CPXM2: variants seen among roughly 807,000 people sequenced by gnomAD.
CPXM2 encodes carboxypeptidase X, M14 family member 2, also known as inactive carboxypeptidase-like protein X2.
Under a neutral mutation model 86.1 loss-of-function variants are expected in CPXM2, and 66 were observed. That is an observed-to-expected ratio of 0.77 (90% CI 0.63 to 0.94). CPXM2 has a LOEUF of 0.94. Among genes scored for constraint, CPXM2 ranks in the 40% least tolerant of loss-of-function variants. CPXM2 has a pLI of 0.00. For synonymous variants in CPXM2, 388 were observed against 400.2 expected, an observed-to-expected ratio of 0.97 and a Z score of 0.36; for missense variants, 948 against 1,026.3, an observed-to-expected ratio of 0.92 and a Z score of 1.04.
At chr10:123,792,583 GA>G (rs1367145915) in intron 6 of CPXM2, among the ~76,000 whole-genome samples, 1 of 152,154 alleles carries the variant, frequency 6.6e-6, no homozygotes, top group Non-Finnish European at 1.5e-5. Flanking sequence ...AGACAGATAG[GA>G]AAGATCTCCC....
chr10:123,781,932 G>A (rs1846944159), intron 6 of CPXM2, among the ~76,000 whole-genome samples: 1 of 152,182 alleles, frequency 6.6e-6, no homozygotes, highest in African/African-American at 2.4e-5. Context: ...CTTCACCCTT[G>A]AGAACAGCCC....
chr10:123,891,514 C>A lies in CPXM2; in HGVS notation c.146G>T (p.Arg49Leu), dbSNP rs761287092. 32 of 1,547,912 alleles carry A rather than the reference C, an allele frequency of 2.1e-5. No individual in the cohort carries two copies. Among genetic ancestry groups the A allele is most frequent in the Non-Finnish European group, 2.5e-5 (29 of 1,145,378 alleles). Residue 49 changes from arginine to leucine, a missense_variant, in exon 1 of 14, where the codon CGC becomes CTC. Coordinates refer to ENST00000241305, the MANE Select transcript of CPXM2 (RefSeq NM_198148.3). This position sits in a 1 kb window ranked among gnomAD's most constrained non-coding sequence, Gnocchi z 5.6. ...EIWSREPYYA[R>L]PEPELETFSP... ...GAAGGTCTCGAGCTCGGGCTCCGGG[C>A]GCGCGTAGTAGGGCTCCCGGCTCCA...
At chr10:123,764,325 C>T (rs530936972) in intron 10 of CPXM2, among the ~76,000 whole-genome samples, 1 of 152,190 alleles carries the variant, frequency 6.6e-6, no homozygotes, top group East Asian at 1.9e-4. Flanking sequence ...CCTAAAATAG[C>T]CTCCCTTACA....
Position 123,901,258 on chromosome 10 carries a change from C to A in CPXM2, n.175-20949G>T, listed in dbSNP as rs544674006. Reference sequence around the variant, plus strand: ...CCCTTAGGGGCACAATCAGGAAATACAATTTTAAAAAGAGAGAGCTTTGGC... The same window carrying A: ...CCCTTAGGGGCACAATCAGGAAATAAAATTTTAAAAAGAGAGAGCTTTGGC... On this transcript the variant is annotated intron_variant and non_coding_transcript_variant, in intron 2 of 19. Coordinates refer to the CPXM2 transcript ENST00000368854. Among the ~76,000 whole-genome samples, 7 of 152,250 alleles carry A rather than the reference C, an allele frequency of 4.6e-5. No individual in the cohort carries two copies. In the South Asian group the frequency reaches 1.5e-3, roughly 32 times the overall value.
At chr10:123,875,908 C>T (rs1944978964) in intron 2 of CPXM2, among the ~76,000 whole-genome samples, 1 of 149,704 alleles carries the variant, frequency 6.7e-6, no homozygotes, top group South Asian at 2.1e-4. Flanking sequence ...CCTCCGCCTC[C>T]TGGGTTCAAG....
At chr10:123,867,452 T>C (rs1359522463) in intron 2 of CPXM2, among the ~76,000 whole-genome samples, 5 of 152,160 alleles carry the variant, frequency 3.3e-5, no homozygotes, top group African/African-American at 9.7e-5. Flanking sequence ...CTCTGAAGAA[T>C]TTCAGAATAT....
intron 3 of CPXM2, among the ~76,000 whole-genome samples, chr10:123,854,786 G>A (rs567521124): frequency 3.8e-4 from 57 of 151,922 alleles, no homozygotes; most frequent in East Asian, 1.7e-3. Flanking sequence ...GGATGTGCAC[G>A]TCTCCCAGCA....
upstream of CPXM2, among the ~76,000 whole-genome samples, chr10:123,942,776 C>G (rs1239323565): frequency 6.6e-6 from 1 of 152,244 alleles, no homozygotes; most frequent in Non-Finnish European, 1.5e-5. Flanking sequence ...AAGTTGCTTT[C>G]ACTTTACCCT....
At chr10:123,811,031 T>C (rs1847678691) in intron 4 of CPXM2, among the ~76,000 whole-genome samples, 1 of 152,124 alleles carries the variant, frequency 6.6e-6, no homozygotes, top group Non-Finnish European at 1.5e-5. Flanking sequence ...ATATCGATTT[T>C]AAATAAATGA....
chr10:123,903,820 G>C (rs934000711), intron 2 of CPXM2, among the ~76,000 whole-genome samples: 1 of 152,246 alleles, frequency 6.6e-6, no homozygotes, highest in African/African-American at 2.4e-5. Flanking sequence ...TTTTTAAACA[G>C]CTGAGAGATT....
At chr10:123,834,598 G>A (rs149682470) in intron 4 of CPXM2, among the ~76,000 whole-genome samples, 2 of 152,274 alleles carry the variant, frequency 1.3e-5, no homozygotes, top group Middle Eastern at 3.4e-3. Context: ...GGATGCTCCT[G>A]GGCTGGAGTG....
intron 4 of CPXM2, among the ~76,000 whole-genome samples, chr10:123,807,765 T>C (rs1393809993): frequency 6.6e-6 from 1 of 152,194 alleles, no homozygotes; most frequent in Non-Finnish European, 1.5e-5. Context: ...CCATTGTTAT[T>C]AAAGAGGCTC....
intron 4 of CPXM2, among the ~76,000 whole-genome samples, chr10:123,838,829 A>G (rs1848327395): frequency 6.6e-6 from 1 of 152,178 alleles, no homozygotes; most frequent in Admixed American, 6.5e-5. Context: ...GCAGGATAGT[A>G]ACCTGCGCAG....
intron 4 of CPXM2, among the ~76,000 whole-genome samples, chr10:123,834,344 C>T (rs1426293087): frequency 6.6e-6 from 1 of 152,254 alleles, no homozygotes; most frequent in Non-Finnish European, 1.5e-5. Flanking sequence ...TCTAATCTAG[C>T]ACTGGAGATT....
At chr10:123,920,419 G>A (rs1407675968) in intron 2 of CPXM2, among the ~76,000 whole-genome samples, 1 of 152,010 alleles carries the variant, frequency 6.6e-6, no homozygotes, top group East Asian at 1.9e-4. Context: ...TTTACAAAGG[G>A]CTTGTTATTA....
At chr10:123,895,101 CTTTTTT>C (rs1001049091), upstream of CPXM2, among the ~76,000 whole-genome samples, 1 of 124,210 alleles carries the variant, frequency 8.1e-6, no homozygotes, top group African/African-American at 3.0e-5. Flanking sequence ...AAGACAGATT[CTTTTTT>C]TTTTCTTTTT....
chr10:123,907,693 T>C (rs200688017), intron 2 of CPXM2, among the ~76,000 whole-genome samples: 17 of 60,490 alleles, frequency 2.8e-4, no homozygotes, highest in East Asian at 2.5e-3. Context: ...ATGCCCCCCC[T>C]CCCACAAGTT....
chr10:123,789,351 T>C (rs1054935355), intron 6 of CPXM2, among the ~76,000 whole-genome samples: 1 of 152,130 alleles, frequency 6.6e-6, no homozygotes, highest in Non-Finnish European at 1.5e-5. Flanking sequence ...TATGTCCCCA[T>C]CTCACGACTT....
At chr10:123,898,888 G>C (rs1945359473) in intron 2 of CPXM2, among the ~76,000 whole-genome samples, 1 of 152,112 alleles carries the variant, frequency 6.6e-6, no homozygotes, top group African/African-American at 2.4e-5. Context: ...GGGATTATAG[G>C]CATGCACCAC....
Sources: gnomAD v4.1 joint callset for allele counts (sites outside exome capture counted in the v4.1 genomes callset) on GRCh38, gnomAD v4.1.1 for gene constraint, Gnocchi (gnomAD v3.1) non-coding constraint, MANE v1.5 for transcripts, NCBI Gene and HGNC (gene_info 2026-07-23, HGNC 2026-07-21) for gene names.